Variants in EXOC6B observed in about 807,000 individuals in gnomAD.
EXOC6B encodes the protein exocyst complex component 6B.
A neutral mutation model predicts 113.5 loss-of-function variants in EXOC6B; 54 were observed. The ratio of observed to expected loss-of-function variants is 0.48; its 90% confidence interval spans 0.38 to 0.60. The LOEUF (loss-of-function observed/expected upper bound fraction) is 0.60. Ranked by LOEUF, EXOC6B falls within the 20% of genes least tolerant of loss-of-function variation. The pLI is 0.00. For missense variants in EXOC6B, 797 were observed against 977.5 expected (o/e 0.82, Z 2.46); for synonymous variants, 357 against 339.0 (o/e 1.05, Z -0.58).
chr2:72,444,625 T>C (rs1027321734), intron 18 of EXOC6B, among the ~76,000 whole-genome samples: 4 of 152,258 alleles, frequency 2.6e-5, no homozygotes, highest in African/African-American at 4.8e-5. Flanking sequence ...ACCTCAATTA[T>C]TGACTTCTGT....
intron 1 of EXOC6B, among the ~76,000 whole-genome samples, chr2:72,783,145 C>T (rs769783217): frequency 2.7e-4 from 41 of 151,270 alleles, no homozygotes; most frequent in Non-Finnish European, 5.5e-4. Flanking sequence ...TGTATAAAAG[C>T]TCCCTTTACT....
chr2:72,785,212 C>G (rs934149131), intron 1 of EXOC6B, among the ~76,000 whole-genome samples: 1 of 152,216 alleles, frequency 6.6e-6, no homozygotes, highest in Non-Finnish European at 1.5e-5. Context: ...TTGCAGGGTA[C>G]AGCCTCCCTC....
intron 8 of EXOC6B, among the ~76,000 whole-genome samples, chr2:72,519,709 T>C (rs750495746): frequency 1.4e-4 from 21 of 152,144 alleles, no homozygotes; most frequent in Non-Finnish European, 3.1e-4. Flanking sequence ...ATAATGAGAA[T>C]TGACTATATT....
At chr2:72,550,827 C>G (rs1001172273) in intron 8 of EXOC6B, among the ~76,000 whole-genome samples, 2 of 152,024 alleles carry the variant, frequency 1.3e-5, no homozygotes, top group Non-Finnish European at 2.9e-5. Flanking sequence ...ATAGTTTATG[C>G]CAAACACTTT....
At chr2:72,631,426 GTATATATA>G (rs376088377) in intron 6 of EXOC6B, among the ~76,000 whole-genome samples, 400 of 28,138 alleles carry the variant, frequency 0.014, 15 homozygotes, top group African/African-American at 0.024. Flanking sequence ...GTGTGTGTGT[GTATATATA>G]TATATATATA....
chr2:72,397,384 G>A (rs1692793177), intron 18 of EXOC6B, among the ~76,000 whole-genome samples: 1 of 151,932 alleles, frequency 6.6e-6, no homozygotes, highest in South Asian at 2.1e-4. Context: ...ACTTTGGGAG[G>A]CCGAGGCAGA....
chr2:72,267,558 T>A (rs1684209374), intron 20 of EXOC6B, among the ~76,000 whole-genome samples: 1 of 152,210 alleles, frequency 6.6e-6, no homozygotes, highest in Non-Finnish European at 1.5e-5. Flanking sequence ...TGGATTACAT[T>A]TATTGATTTG....
chr2:72,720,303 G>A (rs908780479), intron 5 of EXOC6B, among the ~76,000 whole-genome samples: 2 of 152,140 alleles, frequency 1.3e-5, no homozygotes, highest in African/African-American at 4.8e-5. Context: ...TACATTAAAT[G>A]TGAATGGACT....
chr2:72,495,486 G>T lies in EXOC6B; in HGVS notation c.1497C>A (p.Asn499Lys). ...AAGCGTAGATAAATTCTTTAATTTG[G>T]TTGTAAACTTTTGGCACAAATTCAG... Reference protein sequence around the residue: ...PFSEFVPKVYNQIKEFIYACL... With the variant: ...PFSEFVPKVYKQIKEFIYACL... The change falls in exon 15 of 22, where the codon AAC (asparagine) becomes AAA (lysine). Residue 499 changes from asparagine to lysine, a missense_variant. Coordinates refer to ENST00000272427, the MANE Select transcript of EXOC6B (RefSeq NM_015189.3). 6.2e-7 allele frequency: 1 copy of T among 1,609,384 alleles called. No homozygotes were observed. The highest frequency in any genetic ancestry group is 8.5e-7 in the Non-Finnish European group (1 of 1,177,724).
intron 6 of EXOC6B, among the ~76,000 whole-genome samples, chr2:72,611,167 A>G (rs1416951315): frequency 6.6e-6 from 1 of 152,102 alleles, no homozygotes; most frequent in Non-Finnish European, 1.5e-5. Flanking sequence ...GTTCAAGACC[A>G]GCCTGGCCAA....
chr2:72,381,936 A>C (rs1691698269), intron 18 of EXOC6B, among the ~76,000 whole-genome samples: 1 of 152,150 alleles, frequency 6.6e-6, no homozygotes, highest in Non-Finnish European at 1.5e-5. Context: ...CTCAAATCTT[A>C]TTTGTAGCAT....
chr2:72,327,160 G>A (rs1688171279), intron 20 of EXOC6B, among the ~76,000 whole-genome samples: 1 of 151,924 alleles, frequency 6.6e-6, no homozygotes, highest in South Asian at 2.1e-4. Flanking sequence ...ACTCTCCAGG[G>A]AACAACCCTC....
intron 7 of EXOC6B, among the ~76,000 whole-genome samples, 192 bp from the exon 8 acceptor site, chr2:72,559,713 C>T (rs879844056): frequency 5.3e-5 from 8 of 152,138 alleles, no homozygotes; most frequent in Non-Finnish European, 1.0e-4. Flanking sequence ...AATTAATAAA[C>T]CGTGAAGATA....
At chr2:72,221,388 T>C (rs1249833454) in intron 20 of EXOC6B, among the ~76,000 whole-genome samples, 5 of 152,176 alleles carry the variant, frequency 3.3e-5, no homozygotes, top group African/African-American at 1.2e-4. Flanking sequence ...TTCTCACAGA[T>C]ATCCGCCTAT....
intron 20 of EXOC6B, among the ~76,000 whole-genome samples, chr2:72,264,248 T>G (rs1171575673): frequency 6.6e-6 from 1 of 152,188 alleles, no homozygotes; most frequent in Non-Finnish European, 1.5e-5. Flanking sequence ...ACATTGACAC[T>G]ATTCCCAACT....
intron 20 of EXOC6B, among the ~76,000 whole-genome samples, chr2:72,261,412 A>G (rs1323222370): frequency 6.6e-6 from 1 of 152,214 alleles, no homozygotes; most frequent in East Asian, 1.9e-4. Flanking sequence ...TTAGAATCAT[A>G]GAGTTGAAGG....
At chr2:72,211,516 A>G (rs1680188325) in intron 20 of EXOC6B, among the ~76,000 whole-genome samples, 1 of 152,162 alleles carries the variant, frequency 6.6e-6, no homozygotes, top group Admixed American at 6.5e-5. Flanking sequence ...TGTACCCAAG[A>G]CAACGTGAAG....
chr2:72,235,197 C>A (rs980294185), intron 20 of EXOC6B, among the ~76,000 whole-genome samples: 3 of 152,176 alleles, frequency 2.0e-5, no homozygotes, highest in African/African-American at 7.2e-5. Flanking sequence ...TACATATACA[C>A]CATGGAATAC....
chr2:72,512,579 G>A (rs1033139920), intron 11 of EXOC6B, among the ~76,000 whole-genome samples: 3 of 151,812 alleles, frequency 2.0e-5, no homozygotes, highest in Admixed American at 2.0e-4. Flanking sequence ...AATATGTTAT[G>A]AACTTTTTTT....
Sources: gnomAD v4.1 joint callset for allele counts (sites outside exome capture counted in the v4.1 genomes callset) on GRCh38, gnomAD v4.1.1 for gene constraint, MANE v1.5 for transcripts, NCBI Gene and HGNC (gene_info 2026-07-23, HGNC 2026-07-21) for gene names.